Variants in PREPL observed in about 807,000 individuals in gnomAD.
PREPL encodes prolyl endopeptidase-like.
In PREPL, 77 loss-of-function variants were observed where a neutral mutation model predicts 70.6. The ratio of observed to expected loss-of-function variants is 1.09; its 90% confidence interval spans 0.91 to 1.32. The LOEUF (loss-of-function observed/expected upper bound fraction) is 1.32, where lower values mean the gene tolerates loss of function less well. Ranked by LOEUF, PREPL falls within the 40% of genes most tolerant of loss-of-function variation. The pLI, the probability that PREPL is intolerant of heterozygous loss-of-function variation, is 0.00. For synonymous variants in PREPL, 315 were observed against 264.8 expected (o/e 1.19, Z -1.84); for missense variants, 1,002 against 778.2 (o/e 1.29, Z -3.42).
intron 7 of PREPL, among the ~76,000 whole-genome samples, chr2:44,337,222 C>T (rs1290093800): frequency 1.3e-5 from 2 of 152,192 alleles, no homozygotes; most frequent in East Asian, 3.8e-4. Context: ...ACCATCCCCT[C>T]TCCACCTGTC....
Position 44,344,094 on chromosome 2 carries a change from T to C in PREPL, c.143-143A>G. 5 of 1,008,674 alleles carry C rather than the reference T, an allele frequency of 5.0e-6. No individual in the cohort carries two copies. The South Asian group carries it at 5.2e-5, about 11-fold the overall frequency. The allele number at this position is 1,008,674 out of a possible 1,614,324, so 62.5% of individuals were successfully genotyped here. A position where few individuals can be genotyped will look rare whatever the true frequency, so the allele number is the denominator to read the frequency against. On this transcript the variant is annotated intron_variant, in intron 3 of 13. Transcript: ENST00000409411. ...CTTTCAACAATGATGGCAGCTTAAC[T>C]TGCACATCAACTGACAATAAGTTAT... is the stretch of plus-strand genomic sequence containing the variant.
At chr2:44,323,603 A>G (rs1315750562) in intron 10 of PREPL, among the ~76,000 whole-genome samples, 192 bp from the exon 11 acceptor site, 3 of 152,220 alleles carry the variant, frequency 2.0e-5, no homozygotes, top group Admixed American at 6.5e-5. Context: ...AAGTCTTCAG[A>G]TTCCTTAAAT....
Position 44,354,603 on chromosome 2 carries a change from C to T in PREPL, c.-49+6777G>A, listed in dbSNP as rs1265411442. ...CTTTTTTTTTTTTGAGATGGAGCCT[C>T]GCTCCCATCACACCAGGCTGGAGTG... On this transcript the variant is annotated intron_variant, in intron 1 of 13. Transcript: ENST00000409411. 4.0e-5 allele frequency among the ~76,000 whole-genome samples: 6 copies of T among 151,352 alleles called. No homozygotes were observed. In the East Asian group the frequency reaches 1.2e-3, roughly 29 times the overall value.
In PREPL at chr2:44,320,583, G is replaced by A; in HGVS notation, c.*773C>T. The stretch of plus-strand genomic sequence containing the variant: ...AACAGCTTTCAGAGATAGATGCTTT[G>A]TTTCCAATCGAGCATGCTATTCCAG... On this transcript the variant is annotated 3_prime_UTR_variant, in exon 14 of 14. Coordinates refer to ENST00000409411, the MANE Select transcript of PREPL (RefSeq NM_001171613.2). 1 of 1,614,018 alleles carries A rather than the reference G, an allele frequency of 6.2e-7. No homozygotes were observed.
In PREPL at chr2:44,320,593, G is replaced by A. The variant is rs762511951; in HGVS notation, c.*763C>T. Reference sequence around the variant, plus strand: ...AGAGATAGATGCTTTGTTTCCAATCGAGCATGCTATTCCAGTGTACTGAAC... The same window carrying A: ...AGAGATAGATGCTTTGTTTCCAATCAAGCATGCTATTCCAGTGTACTGAAC... On this transcript the variant is annotated 3_prime_UTR_variant, in exon 14 of 14. Coordinates refer to ENST00000409411, the MANE Select transcript of PREPL (RefSeq NM_001171613.2). 7.4e-6 allele frequency: 12 copies of A among 1,613,758 alleles called. No individual in the cohort carries two copies. Among genetic ancestry groups the A allele is most frequent in the Admixed American group, 1.7e-5 (1 of 59,974 alleles).
Position 44,320,667 on chromosome 2 carries a change from GGCAT to G in PREPL, c.*685_*688del, listed in dbSNP as rs761832215. On this transcript the variant is annotated 3_prime_UTR_variant, in exon 14 of 14. Transcript: ENST00000409411. ...ACCTTTATGAAGAGATGAAGACACT[GGCAT>G]TTCAGTGGGATTGTAAGCATTTGTA... is the stretch of plus-strand genomic sequence containing the variant. The G allele has an allele frequency of 6.4e-7, 1 of 1,561,928 alleles. No individual in the cohort carries two copies. Among genetic ancestry groups the G allele is most frequent in the East Asian group, 2.2e-5 (1 of 44,648 alleles).
intron 1 of PREPL, among the ~76,000 whole-genome samples, chr2:44,355,356 A>G (rs576647762): frequency 3.4e-4 from 52 of 152,274 alleles, no homozygotes; most frequent in African/African-American, 1.2e-3. Flanking sequence ...AGACCAGCCT[A>G]GCCAACATGG....
chr2:44,321,579 G>T, intron 13 of PREPL, 134 bp from the exon 14 acceptor site: 1 of 1,494,116 alleles, frequency 6.7e-7, no homozygotes, highest in South Asian at 1.4e-5. Flanking sequence ...TTTCATTCGA[G>T]AGAGAGGCAG....
intron 1 of PREPL, among the ~76,000 whole-genome samples, chr2:44,355,136 G>A (rs2582918): frequency 6.6e-6 from 1 of 151,788 alleles, no homozygotes. Flanking sequence ...ATTCTCAACA[G>A]CCTCCAATCA....
At position 44,318,805 on chromosome 2, in the gene PREPL, TA is replaced by T. The variant is rs1173283109; in HGVS notation, c.*2550del. The T allele has an allele frequency of 6.6e-6, 1 of 152,206 alleles. No homozygotes were observed. The highest frequency in any genetic ancestry group is 2.4e-5 in the African/African-American group (1 of 41,440). The allele number at this position is 152,206 out of a possible 1,614,324, so 9.4% of individuals were successfully genotyped here. A position where few individuals can be genotyped will look rare whatever the true frequency, so the allele number is the denominator to read the frequency against. The stretch of plus-strand genomic sequence containing the variant: ...TAATAGCAGACAAAATATAGTTCAA[TA>T]TGAAAAGCATTATATGAGACAAAGG... On this transcript the variant is annotated 3_prime_UTR_variant, in exon 14 of 14. Transcript: ENST00000409411.
intron 10 of PREPL, 50 bp from the exon 11 acceptor site, chr2:44,323,461 G>A (rs1383713050): frequency 6.3e-6 from 9 of 1,437,306 alleles, no homozygotes; most frequent in South Asian, 1.3e-5. Flanking sequence ...GTTGGTAAGT[G>A]AGTTTCAGAA....
chr2:44,342,431 T>C lies in PREPL; in HGVS notation c.471A>G (p.Thr157=), dbSNP rs771059706. The change falls in exon 5 of 14, where the codon ACA becomes ACG. Residue 157 remains threonine (T), a synonymous_variant. Coordinates refer to ENST00000409411, the MANE Select transcript of PREPL (RefSeq NM_001171613.2). ...TATTCTAGTACCTTGGGTCTTTTTC[T>C]GTGTAAAAGCGTTCATTACGTTTGT... is the stretch of plus-strand genomic sequence containing the variant. ...GDNKRNERFY[T]EKDPSYFVFL... 13 of 1,610,308 alleles carry C rather than the reference T, an allele frequency of 8.1e-6. No homozygotes were observed. Among genetic ancestry groups the C allele is most frequent in the South Asian group, 3.3e-5 (3 of 90,564 alleles).
At chr2:44,346,185 A>C in intron 2 of PREPL, 83 bp downstream of exon 2, 1 of 1,311,748 alleles carries the variant, frequency 7.6e-7, no homozygotes, top group Non-Finnish European at 1.1e-6. Flanking sequence ...GATGTGGACT[A>C]TGTCTCTAAA....
In PREPL at chr2:44,323,410, G is replaced by A. The variant is rs781496421; in HGVS notation, c.1481C>T (p.Ala494Val). The A allele has an allele frequency of 4.4e-6, 7 of 1,573,708 alleles. No homozygotes were observed. Among genetic ancestry groups the A allele is most frequent in the African/African-American group, 4.1e-5 (3 of 72,352 alleles). Residue 494 changes from alanine (A) to valine (V), a missense_variant and splice_region_variant, in exon 11 of 14, where the codon GCA becomes GTA. Physicochemically the swap from Ala to Val is moderately conservative, Grantham distance 64. Coordinates refer to ENST00000409411, the MANE Select transcript of PREPL (RefSeq NM_001171613.2). Reference sequence around the variant, plus strand: ...GGTGTTGAGAACATCCAAGAAAGGTGCCTAAAAAAAAGGCAAAGAAACTTA... The same window carrying A: ...GGTGTTGAGAACATCCAAGAAAGGTACCTAAAAAAAAGGCAAAGAAACTTA... The part of the protein sequence containing the change: ...PELVRAVTLE[A>V]PFLDVLNTMM...
At chr2:44,351,857 T>A (rs1412046799) in intron 1 of PREPL, among the ~76,000 whole-genome samples, 1 of 152,190 alleles carries the variant, frequency 6.6e-6, no homozygotes, top group African/African-American at 2.4e-5. Flanking sequence ...ATTATGTTAC[T>A]CCACTCAAAA....
chr2:44,340,145 T>C (rs1178120929), intron 5 of PREPL, among the ~76,000 whole-genome samples: 2 of 152,038 alleles, frequency 1.3e-5, no homozygotes, highest in African/African-American at 4.8e-5. Context: ...CTACCTAATA[T>C]TATAACAGGT....
chr2:44,345,455 G>T (rs1273215906), intron 2 of PREPL, among the ~76,000 whole-genome samples: 1 of 152,018 alleles, frequency 6.6e-6, no homozygotes, highest in African/African-American at 2.4e-5. Flanking sequence ...GAGTTCAAGT[G>T]ATTCTCCTGC....
Position 44,318,794 on chromosome 2 carries a change from A to G in PREPL, c.*2562T>C, listed in dbSNP as rs1335547513. The G allele has an allele frequency of 6.6e-6, 1 of 152,222 alleles. No individual in the cohort carries two copies. The highest frequency in any genetic ancestry group is 1.5e-5 in the Non-Finnish European group (1 of 68,030). The allele number at this position is 152,222 out of a possible 1,614,324, so 9.4% of individuals were successfully genotyped here. A position where few individuals can be genotyped will look rare whatever the true frequency, so the allele number is the denominator to read the frequency against. On this transcript the variant is annotated 3_prime_UTR_variant, in exon 14 of 14. Transcript: ENST00000409411. ...TTGGAAGTATTTAATAGCAGACAAA[A>G]TATAGTTCAATATGAAAAGCATTAT... is the stretch of plus-strand genomic sequence containing the variant.
intron 1 of PREPL, among the ~76,000 whole-genome samples, chr2:44,355,923 C>T (rs1676993758): frequency 6.6e-6 from 1 of 151,980 alleles, no homozygotes. Flanking sequence ...TTCAAATTAT[C>T]ACTATTAAAG....
Sources: gnomAD v4.1 joint callset for allele counts (sites outside exome capture counted in the v4.1 genomes callset) on GRCh38, gnomAD v4.1.1 for gene constraint, MANE v1.5 for transcripts, NCBI Gene and HGNC (gene_info 2026-07-23, HGNC 2026-07-21) for gene names.